The following ESRRG variants were observed in gnomAD, a reference collection of about 807,000 sequenced individuals.
The protein encoded by ESRRG is estrogen related receptor gamma, also known as estrogen-related receptor gamma.
Under a neutral mutation model 44.0 loss-of-function variants are expected in ESRRG, and 13 were observed. The ratio of observed to expected loss-of-function variants is 0.30; its 90% CI spans 0.19 to 0.47. The LOEUF (loss-of-function observed/expected upper bound fraction) is 0.47, where lower values mean the gene tolerates loss of function less well. Among genes scored for constraint, ESRRG ranks in the 20% least tolerant of loss-of-function variants. The pLI is 1.00. For synonymous variants in ESRRG, 215 were observed against 214.6 expected, an observed-to-expected ratio of 1.00 and a Z score of -0.02; for missense variants, 395 against 580.6, an observed-to-expected ratio of 0.68 and a Z score of 3.29.
At chr1:216,791,487 G>T (rs777773554) in intron 2 of ESRRG, among the ~76,000 whole-genome samples, 52 of 152,118 alleles carry the variant, frequency 3.4e-4, no homozygotes, top group Non-Finnish European at 5.9e-4. Flanking sequence ...TTTTTTTATA[G>T]CAGTGCAGGA....
intron 2 of ESRRG, among the ~76,000 whole-genome samples, chr1:216,921,269 A>G (rs1466285296): frequency 2.0e-5 from 3 of 152,130 alleles, no homozygotes; most frequent in African/African-American, 7.2e-5. Flanking sequence ...TCTGCCTCTT[A>G]GTCGCATGGT....
At chr1:216,992,401 A>G (rs1368763185) in intron 1 of ESRRG, among the ~76,000 whole-genome samples, 1 of 152,250 alleles carries the variant, frequency 6.6e-6, no homozygotes, top group Non-Finnish European at 1.5e-5. Context: ...TATTAAAACA[A>G]ACAGTGCAAG....
In ESRRG at chr1:216,536,444, C is replaced by T. The variant is rs117125088; in HGVS notation, c.863-17023G>A. On this transcript the variant is annotated intron_variant, in intron 5 of 6. Coordinates refer to ENST00000408911, the MANE Select transcript of ESRRG (RefSeq NM_001438.4). ...GTCTAATTTTTCCTATGAAATATCT[C>T]ATTTCCAAAACTAATTTCTAGTCCC... 1.9e-4 allele frequency among the ~76,000 whole-genome samples: 29 copies of T among 152,214 alleles called. No homozygotes were observed. The East Asian group carries it at 5.6e-3, about 30-fold the overall frequency.
chr1:216,787,599 C>CAAA (rs34433548), intron 2 of ESRRG, among the ~76,000 whole-genome samples: 86 of 76,208 alleles, frequency 1.1e-3, no homozygotes, highest in Non-Finnish European at 1.4e-3. Flanking sequence ...AAGACTCCAT[C>CAAA]AAAAAAAAAA....
In ESRRG at chr1:216,543,323, T is replaced by C. The variant is rs541031809; in HGVS notation, c.862+20896A>G. On this transcript the variant is annotated intron_variant, in intron 5 of 6. Transcript: ENST00000408911. The stretch of plus-strand genomic sequence containing the variant: ...TATTTTTTGAAGTTTTCTATCATCA[T>C]TAAAAAAGTTTAGGGATAAAAATCT... Among the ~76,000 whole-genome samples the C allele has an allele frequency of 2.0e-5, 3 of 152,138 alleles. No homozygotes were observed. The East Asian group carries it at 5.8e-4, about 30-fold the overall frequency.
upstream of ESRRG, among the ~76,000 whole-genome samples, chr1:216,727,301 A>G (rs902280266): frequency 6.6e-6 from 1 of 152,204 alleles, no homozygotes; most frequent in Non-Finnish European, 1.5e-5. Flanking sequence ...TGTATCATAT[A>G]TAGTATAATA....
intron 2 of ESRRG, among the ~76,000 whole-genome samples, chr1:216,771,935 A>T (rs549604635): frequency 1.3e-5 from 2 of 149,880 alleles, no homozygotes; most frequent in African/African-American, 4.9e-5. Context: ...CTGAGTTCTG[A>T]TCCTAGCTGT....
chr1:217,130,127 A>C (rs1240263344), intron 1 of ESRRG, among the ~76,000 whole-genome samples: 1 of 152,204 alleles, frequency 6.6e-6, no homozygotes, highest in East Asian at 1.9e-4. Flanking sequence ...GCAGCTGACA[A>C]GTTGTCCTTA....
intron 3 of ESRRG, 113 bp from the exon 4 acceptor site, chr1:216,568,211 A>C: frequency 1.3e-6 from 1 of 769,256 alleles, no homozygotes; most frequent in Non-Finnish European, 2.3e-6. Context: ...TAGAATGCAG[A>C]ATGGACCAGG....
intron 2 of ESRRG, among the ~76,000 whole-genome samples, chr1:216,844,427 G>T (rs1559844190): frequency 6.6e-6 from 1 of 152,092 alleles, no homozygotes; most frequent in Non-Finnish European, 1.5e-5. Flanking sequence ...TAAATTGAAT[G>T]AAATCTGCAC....
At chr1:217,061,790 TGTAAAAACCTAGA>T (rs1487272662) in intron 1 of ESRRG, among the ~76,000 whole-genome samples, 12 of 152,274 alleles carry the variant, frequency 7.9e-5, no homozygotes, top group Non-Finnish European at 1.3e-4. Context: ...ATCAGATACA[TGTAAAAACCTAGA>T]GTAAATCCTT....
intron 3 of ESRRG, among the ~76,000 whole-genome samples, chr1:216,641,202 G>C (rs1417905876): frequency 6.6e-6 from 1 of 152,106 alleles, no homozygotes; most frequent in African/African-American, 2.4e-5. Context: ...CAAATGCAGG[G>C]AGCACAGATT....
intron 3 of ESRRG, among the ~76,000 whole-genome samples, chr1:216,634,829 C>T (rs556906286): frequency 4.0e-4 from 61 of 152,168 alleles, no homozygotes; most frequent in Non-Finnish European, 7.6e-4. Flanking sequence ...CTGGCCTGAT[C>T]AGTATTCTGG....
Position 216,873,886 on chromosome 1 carries a change from GGGAAGGGAAGGGAAGGGAAGGGAAGGGA to G in ESRRG, c.-14+65668_-14+65695del, listed in dbSNP as rs2096298672. On this transcript the variant is annotated intron_variant, in intron 2 of 7. Coordinates refer to the ESRRG transcript ENST00000359162. Reference sequence around the variant, plus strand: ...GACGGACAGGAGAGAAGGGAGGGAAGGGAAGGGAAGGGAAGGGAAGGGAAGGGAAGGGAAGGGAAGGGAAGGGAAGGGA... The same window carrying G: ...GACGGACAGGAGAGAAGGGAGGGAAGAGGGAAGGGAAGGGAAGGGAAGGGA... 2.1e-4 allele frequency among the ~76,000 whole-genome samples: 6 copies of G among 29,128 alleles called. No homozygotes were observed. The South Asian group carries it at 9.7e-3, about 47-fold the overall frequency. 19.1% of individuals were successfully genotyped at this position (29,128 alleles called of 152,430 possible).
chr1:216,519,544 G>T, intron 5 of ESRRG, 123 bp from the exon 6 acceptor site: 1 of 963,530 alleles, frequency 1.0e-6, no homozygotes, highest in Non-Finnish European at 1.5e-6. Flanking sequence ...TTGATTAGAA[G>T]CTCTTAAAAT....
chr1:216,702,782 A>G (rs1314026703), intron 1 of ESRRG, among the ~76,000 whole-genome samples: 5 of 151,080 alleles, frequency 3.3e-5, no homozygotes, highest in African/African-American at 7.3e-5. Context: ...GCCTCAAAAA[A>G]AAAAAAAAAA....
Position 216,785,985 on chromosome 1 carries a change from T to C in ESRRG, c.-13-108494A>G, listed in dbSNP as rs141597442. On this transcript the variant is annotated intron_variant, in intron 2 of 7. Transcript: ENST00000359162. ...AACACATCGCACGCCTAGATCATAG[T>C]GGTGGGAGTTTAGGAACAGTACAAT... Among the ~76,000 whole-genome samples the C allele has an allele frequency of 5.5e-3, 830 of 152,176 alleles. 6 individuals are homozygous for C. Among genetic ancestry groups the C allele is most frequent in the African/African-American group, 0.017 (725 of 41,546 alleles).
chr1:216,997,337 A>G (rs1020193132), intron 1 of ESRRG, among the ~76,000 whole-genome samples: 3 of 152,210 alleles, frequency 2.0e-5, no homozygotes, highest in African/African-American at 7.2e-5. Flanking sequence ...ACATGCCGCT[A>G]GCAGGATATT....
intron 2 of ESRRG, among the ~76,000 whole-genome samples, chr1:216,877,383 TTTTTTGTTTGTTTGTTTG>T (rs1406779927): frequency 2.1e-5 from 3 of 142,854 alleles, no homozygotes; most frequent in African/African-American, 7.5e-5. Context: ...TATGGTGTTT[TTTTTTGTTTGTTTGTTTG>T]TTTGTTTGTT....
Sources: allele counts gnomAD v4.1 joint callset (sites outside exome capture counted in the v4.1 genomes callset), GRCh38; gene constraint gnomAD v4.1.1; transcripts MANE v1.5; gene names NCBI Gene and HGNC (gene_info 2026-07-23, HGNC 2026-07-21).